INPP4B: variants seen among roughly 807,000 people sequenced by gnomAD.
INPP4B encodes the protein inositol polyphosphate 4-phosphatase type II.
In INPP4B, 55 loss-of-function variants were observed where a neutral mutation model predicts 122.5. The ratio of observed to expected loss-of-function variants is 0.45; its 90% CI spans 0.36 to 0.56. INPP4B has a LOEUF of 0.56. Among genes scored for constraint, INPP4B ranks in the 20% least tolerant of loss-of-function variants. The pLI, the probability that INPP4B is intolerant of heterozygous loss-of-function variation, is 0.00. For missense variants in INPP4B, 1,000 were observed against 1,097.7 expected (o/e 0.91, Z 1.26); for synonymous variants, 403 against 388.7 (o/e 1.04, Z -0.43).
intron 25 of INPP4B, among the ~76,000 whole-genome samples, chr4:142,043,446 C>G (rs1749403316): frequency 6.6e-6 from 1 of 151,856 alleles, no homozygotes; most frequent in African/African-American, 2.4e-5. Context: ...GATTCAAATA[C>G]CAGGGAAGTT....
chr4:142,366,604 T>A (rs768030966), intron 7 of INPP4B, among the ~76,000 whole-genome samples: 11 of 152,134 alleles, frequency 7.2e-5, no homozygotes, highest in Non-Finnish European at 1.3e-4. Flanking sequence ...TCATCATGCA[T>A]GGTGCCTGAT....
chr4:142,471,021 G>A (rs1189156227), intron 2 of INPP4B, among the ~76,000 whole-genome samples: 1 of 152,116 alleles, frequency 6.6e-6, no homozygotes, highest in Admixed American at 6.6e-5. Context: ...AATGTAAAAA[G>A]CTGTATTTAA....
At chr4:142,215,578 A>G (rs1196033673) in intron 12 of INPP4B, among the ~76,000 whole-genome samples, 2 of 152,112 alleles carry the variant, frequency 1.3e-5, no homozygotes, top group African/African-American at 4.8e-5. Context: ...GCATTATAAG[A>G]CCCAAAGATA....
chr4:142,040,941 G>A (rs1747077331), intron 25 of INPP4B, among the ~76,000 whole-genome samples: 1 of 152,110 alleles, frequency 6.6e-6, no homozygotes, highest in Admixed American at 6.6e-5. Context: ...TTCTATTCTT[G>A]ATAAGCACTA....
intron 2 of INPP4B, among the ~76,000 whole-genome samples, chr4:142,486,490 A>G (rs1821211523): frequency 6.6e-6 from 1 of 152,106 alleles, no homozygotes; most frequent in South Asian, 2.1e-4. Flanking sequence ...AGGAGTCACT[A>G]TTATATTCTG....
chr4:142,638,560 T>G (rs1383086471), intron 2 of INPP4B, among the ~76,000 whole-genome samples: 1 of 151,020 alleles, frequency 6.6e-6, no homozygotes, highest in Admixed American at 6.6e-5. Context: ...TTTTTTTTTT[T>G]TGAGATGGAG....
chr4:142,124,549 C>T (rs764930652), intron 19 of INPP4B, 39 bp downstream of exon 19: 112 of 1,553,106 alleles, frequency 7.2e-5, no homozygotes, highest in Middle Eastern at 1.7e-4. Flanking sequence ...GTTAACAATC[C>T]GGCATTGTTT....
chr4:142,587,937 C>A (rs546184729), intron 2 of INPP4B, among the ~76,000 whole-genome samples: 5 of 151,706 alleles, frequency 3.3e-5, no homozygotes, highest in Admixed American at 2.0e-4. Context: ...AAATGCTCAA[C>A]AAAAATATAT....
intron 21 of INPP4B, among the ~76,000 whole-genome samples, chr4:142,115,094 G>C (rs1792394491): frequency 6.6e-6 from 1 of 152,070 alleles, no homozygotes; most frequent in African/African-American, 2.4e-5. Context: ...AATGAAGTGA[G>C]AAGAGAAATT....
At chr4:142,831,410 T>A (rs939656926) in intron 1 of INPP4B, among the ~76,000 whole-genome samples, 1 of 152,188 alleles carries the variant, frequency 6.6e-6, no homozygotes, top group African/African-American at 2.4e-5. Flanking sequence ...AGTAAAACTG[T>A]GCAGCTCAGA....
rs184518545 is a variant in INPP4B at position 142,147,531 on chromosome 4, T to C, written c.1564-1535A>G. Among the ~76,000 whole-genome samples the C allele has an allele frequency of 9.2e-5, 14 of 152,250 alleles. 1 individual carries two copies. The highest frequency in any genetic ancestry group is 3.9e-4 in the Admixed American group (6 of 15,300). ...GTACTTCCTCCCTGGGGAAGCCCAGTTGTCTCAGTTGGAATGATAATTCTT... is the reference window on the plus strand; with the variant it reads ...GTACTTCCTCCCTGGGGAAGCCCAGCTGTCTCAGTTGGAATGATAATTCTT... On this transcript the variant is annotated intron_variant, in intron 17 of 25. Coordinates refer to ENST00000262992, the MANE Select transcript of INPP4B (RefSeq NM_001101669.3).
chr4:142,683,809 TA>T (rs1758974091), intron 2 of INPP4B, among the ~76,000 whole-genome samples: 1 of 151,762 alleles, frequency 6.6e-6, no homozygotes, highest in South Asian at 2.1e-4. Context: ...GCAAAAGGTA[TA>T]AGGTGATTTA....
rs1175185594 is a variant in INPP4B at position 142,806,278 on chromosome 4, C to CAAAAAA, written c.-254+39925_-254+39930dup. ...TGGGAGAACGAGTGAGACTCCGTCT[C>CAAAAAA]AAAAAAAAAAAAAAAAAAAAAAAAA... On this transcript the variant is annotated intron_variant, in intron 1 of 25. Coordinates refer to ENST00000262992, the MANE Select transcript of INPP4B (RefSeq NM_001101669.3). Among the ~76,000 whole-genome samples the CAAAAAA allele has an allele frequency of 4.3e-3, 231 of 53,588 alleles. 17 individuals carry two copies. The highest frequency in any genetic ancestry group is 0.016 in the African/African-American group (220 of 13,756). The allele number at this position is 53,588 out of a possible 152,430, so 35.2% of individuals were successfully genotyped here.
At chr4:142,596,267 C>G (rs1166406569) in intron 2 of INPP4B, among the ~76,000 whole-genome samples, 1 of 152,140 alleles carries the variant, frequency 6.6e-6, no homozygotes, top group Non-Finnish European at 1.5e-5. Flanking sequence ...CTGGACTGGT[C>G]TTGTGACTTG....
chr4:142,496,266 A>G (rs983737086), intron 2 of INPP4B, among the ~76,000 whole-genome samples: 1 of 152,064 alleles, frequency 6.6e-6, no homozygotes, highest in East Asian at 1.9e-4. Flanking sequence ...GTTCATATTC[A>G]TTACTGTAAT....
intron 12 of INPP4B, among the ~76,000 whole-genome samples, chr4:142,227,814 C>T (rs180793206): frequency 7.5e-4 from 94 of 124,686 alleles, no homozygotes; most frequent in African/African-American, 2.7e-3. Flanking sequence ...GCCAAGATCA[C>T]ACCACTACAC....
chr4:142,141,656 G>C (rs1299178274), intron 18 of INPP4B, among the ~76,000 whole-genome samples: 1 of 151,866 alleles, frequency 6.6e-6, no homozygotes, highest in African/African-American at 2.4e-5. Flanking sequence ...GTAAAACCTT[G>C]GTTCTCAAAC....
intron 1 of INPP4B, among the ~76,000 whole-genome samples, chr4:142,773,035 C>T (rs1370060518): frequency 6.6e-6 from 1 of 151,804 alleles, no homozygotes; most frequent in African/African-American, 2.4e-5. Context: ...GACAGTGAAA[C>T]TTTGTCTAAA....
chr4:142,378,794 CTGTG>C (rs1350669909), intron 7 of INPP4B, among the ~76,000 whole-genome samples: 1 of 152,170 alleles, frequency 6.6e-6, no homozygotes, highest in African/African-American at 2.4e-5. Context: ...AATTAAAACA[CTGTG>C]TATGTGTGAA....
Sources: allele counts gnomAD v4.1 joint callset (sites outside exome capture counted in the v4.1 genomes callset), GRCh38; gene constraint gnomAD v4.1.1; transcripts MANE v1.5; gene names NCBI Gene and HGNC (gene_info 2026-07-23, HGNC 2026-07-21).